The following UBE2R2 variants were observed in gnomAD, a reference collection of about 807,000 sequenced individuals.
The protein encoded by UBE2R2 is ubiquitin conjugating enzyme E2 R2.
A neutral mutation model predicts 27.8 loss-of-function variants in UBE2R2; 1 was observed. The observed-to-expected ratio is 0.04, with a 90% CI of 0.01 to 0.17. The LOEUF (loss-of-function observed/expected upper bound fraction) is 0.17. Among genes scored for constraint, UBE2R2 ranks in the 10% least tolerant of loss-of-function variants. The probability of loss-of-function intolerance (pLI) is 1.00; values close to 1 mark genes in which losing one functional copy is unlikely to be tolerated. For missense variants in UBE2R2, 100 were observed against 291.0 expected (o/e 0.34, Z 4.78); for synonymous variants, 106 against 113.3 (o/e 0.94, Z 0.41).
chr9:33,906,872 A>T (rs1322573484), intron 3 of UBE2R2, among the ~76,000 whole-genome samples: 1 of 152,122 alleles, frequency 6.6e-6, no homozygotes, highest in South Asian at 2.1e-4. Context: ...TTCCATCTCT[A>T]CCAAAAAAAT....
chr9:33,840,414 C>T (rs1278617069), intron 1 of UBE2R2, among the ~76,000 whole-genome samples: 1 of 152,136 alleles, frequency 6.6e-6, no homozygotes, highest in Non-Finnish European at 1.5e-5. Flanking sequence ...ATGCCTCTAT[C>T]CCTTTTTTTT....
At chr9:33,878,080 T>G (rs1821655228) in intron 1 of UBE2R2, among the ~76,000 whole-genome samples, 1 of 152,184 alleles carries the variant, frequency 6.6e-6, no homozygotes, top group African/African-American at 2.4e-5. Flanking sequence ...TTTATATCTT[T>G]TATTTGTCAG....
chr9:33,917,156 TGAC>T lies in UBE2R2; in HGVS notation c.640_642del (p.Asp214del). The stretch of plus-strand genomic sequence containing the variant: ...ATTTGCTTTACGACGACTTGTATGA[TGAC>T]GACATTGATGATGAAGATGAGGAGG... On this transcript the variant is annotated inframe_deletion, in exon 5 of 5. Coordinates refer to ENST00000263228, the MANE Select transcript of UBE2R2 (RefSeq NM_017811.4). 4 of 1,614,190 alleles carry T rather than the reference TGAC, an allele frequency of 2.5e-6. No homozygotes were observed. Among genetic ancestry groups the T allele is most frequent in the Non-Finnish European group, 3.4e-6 (4 of 1,180,044 alleles).
chr9:33,880,814 G>A lies in UBE2R2; in HGVS notation c.178-6067G>A, dbSNP rs188729283. Reference sequence around the variant, plus strand: ...ACCCTGTTGTGAACTGGGCATGTGAGGGATCTAGGTTGAGTGTTCCTTATG... The same window carrying A: ...ACCCTGTTGTGAACTGGGCATGTGAAGGATCTAGGTTGAGTGTTCCTTATG... On this transcript the variant is annotated intron_variant, in intron 1 of 4. Transcript: ENST00000263228. Among the ~76,000 whole-genome samples, 169 of 152,244 alleles carry A rather than the reference G, an allele frequency of 1.1e-3. 1 individual carries two copies. Among genetic ancestry groups the A allele is most frequent in the African/African-American group, 3.9e-3 (161 of 41,550 alleles).
At chr9:33,863,707 T>C (rs555656755) in intron 1 of UBE2R2, among the ~76,000 whole-genome samples, 11 of 152,282 alleles carry the variant, frequency 7.2e-5, no homozygotes, top group African/African-American at 2.6e-4. Context: ...TTTTTTGAGA[T>C]AGAATCTCGT....
intron 2 of UBE2R2, among the ~76,000 whole-genome samples, chr9:33,892,889 T>C (rs1316630071): frequency 6.6e-6 from 1 of 151,896 alleles, no homozygotes; most frequent in Non-Finnish European, 1.5e-5. Flanking sequence ...ATCCCCATTC[T>C]AGAGTCCAAT....
chr9:33,855,952 G>A (rs1254148996), intron 1 of UBE2R2, among the ~76,000 whole-genome samples: 2 of 152,170 alleles, frequency 1.3e-5, no homozygotes, highest in African/African-American at 2.4e-5. Flanking sequence ...TAGCTGCTTG[G>A]GAGGCTGAGG....
At chr9:33,824,227 C>T (rs1165968908) in intron 1 of UBE2R2, among the ~76,000 whole-genome samples, 2 of 152,094 alleles carry the variant, frequency 1.3e-5, no homozygotes, top group Non-Finnish European at 2.9e-5. Flanking sequence ...TGTGGTGGCT[C>T]ATTCCTGTAA....
At chr9:33,909,037 C>A (rs1205724124) in intron 3 of UBE2R2, among the ~76,000 whole-genome samples, 1 of 125,476 alleles carries the variant, frequency 8.0e-6, no homozygotes, top group Non-Finnish European at 1.7e-5. Context: ...TATTAAAATT[C>A]ACTTCCTCAT....
intron 4 of UBE2R2, among the ~76,000 whole-genome samples, chr9:33,913,855 T>G (rs181479508): frequency 6.6e-6 from 1 of 152,318 alleles, no homozygotes; most frequent in Non-Finnish European, 1.5e-5. Flanking sequence ...GGACAGAGTT[T>G]GGGCATCTGT....
rs865846846 is a variant in UBE2R2, at chr9:33,884,263, A to G, written c.178-2618A>G. On this transcript the variant is annotated intron_variant, in intron 1 of 4. Coordinates refer to ENST00000263228, the MANE Select transcript of UBE2R2 (RefSeq NM_017811.4). ...CCCCTCTCTTCCCCCTCCTACCCCC[A>G]ACCCCTTTATTTTTTCTTTTTCTTT... 5.1e-4 allele frequency among the ~76,000 whole-genome samples: 24 copies of G among 46,978 alleles called. 1 individual carries two copies. In the South Asian group the frequency reaches 7.6e-3, roughly 15 times the overall value. 30.8% of individuals were successfully genotyped at this position (46,978 alleles called of 152,430 possible). A position where few individuals can be genotyped will look rare whatever the true frequency, so the allele number is the denominator to read the frequency against.
At chr9:33,840,381 T>G (rs1055833577) in intron 1 of UBE2R2, among the ~76,000 whole-genome samples, 1 of 152,224 alleles carries the variant, frequency 6.6e-6, no homozygotes, top group Non-Finnish European at 1.5e-5. Flanking sequence ...TTTAGTGTTA[T>G]GATGTCTTTT....
At chr9:33,818,427 G>A (rs1054888940) in intron 1 of UBE2R2, among the ~76,000 whole-genome samples, 10 of 151,402 alleles carry the variant, frequency 6.6e-5, no homozygotes, top group African/African-American at 2.4e-4. Flanking sequence ...AGAAGCTGCC[G>A]AGTGCCCTGA....
chr9:33,908,067 C>T (rs945159993), intron 3 of UBE2R2, among the ~76,000 whole-genome samples: 5 of 152,312 alleles, frequency 3.3e-5, no homozygotes, highest in African/African-American at 7.2e-5. Flanking sequence ...TCAGGTGATC[C>T]GCCTGCCTCG....
chr9:33,859,441 T>C (rs1441098243), intron 1 of UBE2R2, among the ~76,000 whole-genome samples: 1 of 152,192 alleles, frequency 6.6e-6, no homozygotes, highest in African/African-American at 2.4e-5. Flanking sequence ...AGAATATCCC[T>C]GTTTTAACAT....
rs546180333 is a variant in UBE2R2, at chr9:33,906,413, C to A, written c.363-5551C>A. Among the ~76,000 whole-genome samples the A allele has an allele frequency of 6.6e-5, 10 of 152,290 alleles. No individual in the cohort carries two copies. The Middle Eastern group carries it at 0.01, about 155-fold the overall frequency. On this transcript the variant is annotated intron_variant, in intron 3 of 4. Transcript: ENST00000263228. ...CTGGGATTATACTTGTGAGCCACCA[C>A]ACCTGGCATAAGCTTAGATTTTTTG... is the stretch of plus-strand genomic sequence containing the variant.
chr9:33,862,502 T>A (rs1231449714), intron 1 of UBE2R2, among the ~76,000 whole-genome samples: 2 of 152,220 alleles, frequency 1.3e-5, no homozygotes. Flanking sequence ...TCTCTTTGGC[T>A]GAATTACATG....
In UBE2R2 at chr9:33,899,201, T is replaced by G. The variant is rs182230725; in HGVS notation, c.265-973T>G. On this transcript the variant is annotated intron_variant, in intron 2 of 4. Coordinates refer to ENST00000263228, the MANE Select transcript of UBE2R2 (RefSeq NM_017811.4). ...GCTTCTAAGACAATTGAGTCTTGAT[T>G]TATTATGTTTGTCTTTTTTTTTTTA... Among the ~76,000 whole-genome samples the G allele has an allele frequency of 1.0e-3, 155 of 152,244 alleles. 1 individual carries two copies. Among genetic ancestry groups the G allele is most frequent in the African/African-American group, 3.6e-3 (150 of 41,538 alleles).
At chr9:33,891,047 G>GTTTTTTGTTTTTTT (rs1554676117) in intron 2 of UBE2R2, among the ~76,000 whole-genome samples, 3 of 126,374 alleles carry the variant, frequency 2.4e-5, no homozygotes, top group Admixed American at 1.7e-4. Flanking sequence ...TTGTTGTTGT[G>GTTTTTTGTTTTTTT]TTTTTTTGTT....
Sources: gnomAD v4.1 joint callset for allele counts (sites outside exome capture counted in the v4.1 genomes callset) on GRCh38, gnomAD v4.1.1 for gene constraint, MANE v1.5 for transcripts, NCBI Gene and HGNC (gene_info 2026-07-23, HGNC 2026-07-21) for gene names.